Variants in PCDHGB4 observed in about 807,000 individuals in gnomAD.
PCDHGB4 encodes the protein protocadherin gamma-B4.
In PCDHGB4, 38 loss-of-function variants were observed where a neutral mutation model predicts 60.5. The observed-to-expected ratio is 0.63, with a 90% CI of 0.48 to 0.82. The LOEUF is 0.82. Ranked by LOEUF, PCDHGB4 falls within the 40% of genes least tolerant of loss-of-function variation. PCDHGB4 has a pLI of 0.00. For missense variants in PCDHGB4, 1,109 were observed against 1,209.6 expected (o/e 0.92, Z 1.23); for synonymous variants, 456 against 509.7 (o/e 0.89, Z 1.42).
chr5:141,415,134 C>T (rs760482028), intron 1 of PCDHGB4: 10 of 1,613,552 alleles, frequency 6.2e-6, no homozygotes, highest in South Asian at 3.3e-5. Context: ...TCCAGGACCA[C>T]GGCCAGCCCC....
At chr5:141,419,094 G>C in intron 1 of PCDHGB4, 2 of 1,613,894 alleles carry the variant, frequency 1.2e-6, no homozygotes, top group Non-Finnish European at 1.7e-6. Context: ...GCCCTGGATC[G>C]GGAGCAGACC....
chr5:141,446,138 T>C (rs1254949926), intron 1 of PCDHGB4, among the ~76,000 whole-genome samples: 1 of 152,208 alleles, frequency 6.6e-6, no homozygotes, highest in African/African-American at 2.4e-5. Context: ...GACTTAATAA[T>C]GGAATAGGTG....
In PCDHGB4 at chr5:141,485,115, G is replaced by T. The variant is rs1043877839; in HGVS notation, c.2398-9692G>T. On this transcript the variant is annotated intron_variant, in intron 1 of 3. Transcript: ENST00000519479. This position sits in a 1 kb window ranked among gnomAD's most constrained non-coding sequence, Gnocchi z 5.7. ...GTGTCTCCAGCTGCTGTGGCTGTTT[G>T]GGGCGGGTCGGCTTCATCCGCGTCT... The T allele has an allele frequency of 3.8e-6, 5 of 1,300,464 alleles. No homozygotes were observed. The African/African-American group carries it at 5.8e-5, about 15-fold the overall frequency. The allele number at this position is 1,300,464 out of a possible 1,614,324, so 80.6% of individuals were successfully genotyped here.
At chr5:141,440,912 G>T (rs1281398967) in intron 1 of PCDHGB4, 1 of 152,254 alleles carries the variant, frequency 6.6e-6, no homozygotes, top group Admixed American at 6.5e-5. Context: ...GGGCACTCCT[G>T]TGCTGAGAGT....
chr5:141,497,062 A>C (rs779414748), intron 2 of PCDHGB4, among the ~76,000 whole-genome samples: 6 of 152,024 alleles, frequency 3.9e-5, no homozygotes, highest in Non-Finnish European at 7.4e-5. Flanking sequence ...GGTGGCAGGC[A>C]CCTGTAATCC....
At chr5:141,481,779 C>T (rs1367771159) in intron 1 of PCDHGB4, among the ~76,000 whole-genome samples, 2 of 152,092 alleles carry the variant, frequency 1.3e-5, no homozygotes, top group Non-Finnish European at 2.9e-5. Flanking sequence ...TGGTGAAACC[C>T]CGTCTCTACT....
chr5:141,497,892 C>T (rs2099780275), intron 2 of PCDHGB4, among the ~76,000 whole-genome samples: 1 of 152,138 alleles, frequency 6.6e-6, no homozygotes, highest in Admixed American at 6.6e-5. Flanking sequence ...AGGATCTAGT[C>T]CAGTAACTTC....
rs761347005 is a variant in PCDHGB4, at chr5:141,417,873, G to A, written c.2397+27592G>A. On this transcript the variant is annotated intron_variant, in intron 1 of 3. Coordinates refer to ENST00000519479, the MANE Select transcript of PCDHGB4 (RefSeq NM_003736.4). The stretch of plus-strand genomic sequence containing the variant: ...CCCGAGCGAACGATGGGAGGGAGCT[G>A]CGCGCAGAGGCGCCGGGCCGGCCCG... 4.2e-5 allele frequency: 65 copies of A among 1,555,230 alleles called. 2 individuals are homozygous for A. The Middle Eastern group carries it at 6.4e-3, about 152-fold the overall frequency.
In PCDHGB4 at chr5:141,505,574, CCT is replaced by C. The variant is rs562555098; in HGVS notation, c.2545+94_2545+95del. 5.3e-5 allele frequency: 85 copies of C among 1,593,636 alleles called. No individual in the cohort carries two copies. The African/African-American group carries it at 1.0e-3, about 20-fold the overall frequency. On this transcript the variant is annotated intron_variant, in intron 3 of 3. Coordinates refer to ENST00000519479, the MANE Select transcript of PCDHGB4 (RefSeq NM_003736.4). ...CCATGCCCACGGACTGGATGTCAAACCTGTGTAGTTTCTCCAGATCTTTCGGC... is the reference window on the plus strand; with the variant it reads ...CCATGCCCACGGACTGGATGTCAAACGTGTAGTTTCTCCAGATCTTTCGGC...
chr5:141,394,488 G>C lies in PCDHGB4; in HGVS notation c.2397+4207G>C, dbSNP rs753312224. 7.4e-6 allele frequency: 12 copies of C among 1,614,196 alleles called. No homozygotes were observed. In the South Asian group the frequency reaches 1.1e-4, roughly 15 times the overall value. ...GTTCGTGCTGGACCAGAATGACAAC[G>C]CGCCCGAGATCCTGTACCCCGCCCT... is the stretch of plus-strand genomic sequence containing the variant. On this transcript the variant is annotated intron_variant, in intron 1 of 3. Transcript: ENST00000519479.
At chr5:141,405,407 CT>C (rs762612492) in intron 1 of PCDHGB4, 3 of 1,582,042 alleles carry the variant, frequency 1.9e-6, no homozygotes, top group South Asian at 1.1e-5. Context: ...TCTTTCTTTT[CT>C]TTTTTTGTTT....
intron 1 of PCDHGB4, chr5:141,410,354 T>C (rs2095384532): frequency 3.7e-6 from 6 of 1,614,048 alleles, no homozygotes; most frequent in Non-Finnish European, 5.1e-6. Context: ...CCTGCGACGC[T>C]CTCTCAGCCC....
intron 1 of PCDHGB4, chr5:141,427,739 C>G: frequency 2.4e-6 from 3 of 1,232,634 alleles, no homozygotes; most frequent in Non-Finnish European, 3.5e-6. Context: ...ATGGCCAAGT[C>G]TCCTACTCCA....
intron 1 of PCDHGB4, chr5:141,409,909 T>C (rs772516694): frequency 1.2e-6 from 2 of 1,613,200 alleles, no homozygotes; most frequent in African/African-American, 2.7e-5. Flanking sequence ...CTCTGGGTCC[T>C]GACGGCTCCG....
chr5:141,428,052 G>A (rs750852525), intron 1 of PCDHGB4: 6 of 1,608,992 alleles, frequency 3.7e-6, no homozygotes, highest in East Asian at 4.5e-5. Context: ...GACCAAGGTG[G>A]TGGCGGTGGA....
chr5:141,393,249 G>C, intron 1 of PCDHGB4: 7 of 1,613,786 alleles, frequency 4.3e-6, no homozygotes, highest in Non-Finnish European at 5.9e-6. Context: ...TAACGAAATC[G>C]CGGTTCCTGG....
chr5:141,468,920 A>G (rs2099185605), intron 1 of PCDHGB4, among the ~76,000 whole-genome samples: 1 of 151,612 alleles, frequency 6.6e-6, no homozygotes, highest in South Asian at 2.1e-4. Context: ...AGAAGAGAAT[A>G]GCACTAAAAT....
In PCDHGB4 at chr5:141,493,468, T is replaced by C. The variant is rs960204561; in HGVS notation, c.2398-1339T>C. On this transcript the variant is annotated intron_variant, in intron 1 of 3. Transcript: ENST00000519479. The surrounding 1 kb of genome is among the most constrained non-coding windows in gnomAD (Gnocchi z 4.3). ...TGGGGTTCCTTCCCTTTTAGGACCT[T>C]ACATGTGGGGAAAGTCTTCTGTGGC... Among the ~76,000 whole-genome samples the C allele has an allele frequency of 4.6e-5, 7 of 152,144 alleles. No individual in the cohort carries two copies. Among genetic ancestry groups the C allele is most frequent in the African/African-American group, 1.4e-4 (6 of 41,426 alleles).
intron 1 of PCDHGB4, chr5:141,415,641 T>TAA (rs113784532): frequency 8.4e-5 from 108 of 1,280,644 alleles, no homozygotes; most frequent in African/African-American, 8.0e-4. Flanking sequence ...TTACTTTTGT[T>TAA]AAAAAAAAAA....
Sources: gnomAD v4.1 joint callset for allele counts (sites outside exome capture counted in the v4.1 genomes callset) on GRCh38, gnomAD v4.1.1 for gene constraint, Gnocchi (gnomAD v3.1) non-coding constraint, MANE v1.5 for transcripts, NCBI Gene and HGNC (gene_info 2026-07-23, HGNC 2026-07-21) for gene names.